Variants in DNAH14 observed in about 807,000 individuals in gnomAD.
The protein encoded by DNAH14 is axonemal beta dynein heavy chain 14.
A neutral mutation model predicts 520.9 loss-of-function variants in DNAH14; 478 were observed. The observed-to-expected ratio is 0.92, with a 90% confidence interval of 0.85 to 0.99. The LOEUF (loss-of-function observed/expected upper bound fraction) is 0.99, where lower values mean the gene tolerates loss of function less well. Among genes scored for constraint, DNAH14 ranks in the 50% least tolerant of loss-of-function variants. The probability of loss-of-function intolerance (pLI) is 0.00; values close to 1 mark genes in which losing one functional copy is unlikely to be tolerated. For missense variants in DNAH14, 4,831 were observed against 5,234.5 expected, an observed-to-expected ratio of 0.92 and a Z score of 2.38; for synonymous variants, 1,581 against 1,757.2, an observed-to-expected ratio of 0.90 and a Z score of 2.51.
chr1:225,182,274 C>T (rs1023109465), intron 36 of DNAH14, among the ~76,000 whole-genome samples: 2 of 151,994 alleles, frequency 1.3e-5, no homozygotes, highest in Admixed American at 6.6e-5. Flanking sequence ...ATAGAAGTAG[C>T]AAACCAGTAA....
At position 225,397,011 on chromosome 1, in the gene DNAH14, CTT is replaced by C. The variant is rs34693547; in HGVS notation, c.13492-1496_13492-1495del. ...ATACAAAGCAATTCCCAGTAAAATT[CTT>C]TTTTTTTTTTTTGAGATGGAGTCTT... On this transcript the variant is annotated intron_variant, in intron 84 of 85. Transcript: ENST00000682510. The C allele has an allele frequency of 2.5e-3, 352 of 143,496 alleles. 2 individuals are homozygous for C. The highest frequency in any genetic ancestry group is 0.021 in the East Asian group (104 of 4,922). 8.9% of individuals were successfully genotyped at this position (143,496 alleles called of 1,614,324 possible). A position where few individuals can be genotyped will look rare whatever the true frequency, so the allele number is the denominator to read the frequency against.
At chr1:225,189,169 T>C (rs529388871) in intron 37 of DNAH14, among the ~76,000 whole-genome samples, 10 of 151,976 alleles carry the variant, frequency 6.6e-5, no homozygotes, top group African/African-American at 2.4e-4. Context: ...TTTTCTTATG[T>C]TGAACTACCC....
chr1:225,070,398 A>C (rs529870107), intron 17 of DNAH14, among the ~76,000 whole-genome samples: 9 of 152,166 alleles, frequency 5.9e-5, no homozygotes, highest in Non-Finnish European at 1.2e-4. Flanking sequence ...AGATTCTGGT[A>C]CATTGTATAT....
chr1:225,090,902 T>C (rs1322764406), intron 21 of DNAH14, among the ~76,000 whole-genome samples: 2 of 152,128 alleles, frequency 1.3e-5, no homozygotes, highest in Admixed American at 6.5e-5. Context: ...AAATTCGTGC[T>C]CCTATAAAGA....
chr1:224,933,975 A>C (rs74774586), intron 1 of DNAH14, among the ~76,000 whole-genome samples: 6,336 of 152,050 alleles, frequency 0.042, 215 homozygotes, highest in Non-Finnish European at 0.061. Context: ...TAATACACAC[A>C]CGCAGACTCA....
chr1:225,240,566 T>C lies in DNAH14; in HGVS notation c.6519-27T>C, dbSNP rs936895247. On this transcript the variant is annotated intron_variant, in intron 42 of 85. Coordinates refer to ENST00000682510, the MANE Select transcript of DNAH14 (RefSeq NM_001367479.1). The stretch of plus-strand genomic sequence containing the variant: ...AACTGCTTTCTAAAAATGTTAACCT[T>C]CATCCTTCCATACCTGTCTACCCCA... The C allele has an allele frequency of 2.1e-5, 28 of 1,348,968 alleles. 1 individual carries two copies. Among genetic ancestry groups the C allele is most frequent in the Non-Finnish European group, 2.9e-5 (28 of 976,080 alleles). The allele number at this position is 1,348,968 out of a possible 1,614,324, so 83.6% of individuals were successfully genotyped here.
chr1:225,165,570 T>TTTGGTGGG (rs1553489104), intron 35 of DNAH14, among the ~76,000 whole-genome samples: 2 of 150,394 alleles, frequency 1.3e-5, no homozygotes, highest in Non-Finnish European at 3.0e-5. Context: ...TACTTGTTTG[T>TTTGGTGGG]TTGGTTGGTT....
rs570207994 is a variant in DNAH14 at position 224,934,936 on chromosome 1, A to C, written c.-34+5101A>C. Among the ~76,000 whole-genome samples the C allele has an allele frequency of 7.9e-5, 12 of 151,998 alleles. No homozygotes were observed. In the East Asian group the frequency reaches 2.3e-3, roughly 29 times the overall value. On this transcript the variant is annotated intron_variant, in intron 1 of 85. Coordinates refer to ENST00000682510, the MANE Select transcript of DNAH14 (RefSeq NM_001367479.1). ...ATTATCAGCTAAAATGAAGTGAAGG[A>C]GAAATGAAGTCATTCCTAGACAAAT...
chr1:224,947,062 C>G (rs1037105852), intron 1 of DNAH14, among the ~76,000 whole-genome samples: 1 of 151,924 alleles, frequency 6.6e-6, no homozygotes, highest in Non-Finnish European at 1.5e-5. Flanking sequence ...GGATTACAGG[C>G]ATGCACCACC....
chr1:225,270,951 G>A (rs892363031), intron 50 of DNAH14, 85 bp downstream of exon 50: 2 of 1,347,026 alleles, frequency 1.5e-6, no homozygotes, highest in African/African-American at 2.9e-5. Flanking sequence ...CACTAATATT[G>A]AAAGAAAATT....
chr1:225,053,522 A>T (rs1197944118), intron 17 of DNAH14, among the ~76,000 whole-genome samples: 1 of 152,152 alleles, frequency 6.6e-6, no homozygotes, highest in African/African-American at 2.4e-5. Context: ...TGTGAAGAAT[A>T]GATTGAAGTC....
Position 224,954,977 on chromosome 1 carries a change from GA to G in DNAH14, c.102del (p.Lys34AsnfsTer5). ...TKPRLLRYEE[K>X]KYEDVKPLET... ...CATTTAGACTTTTAAGATATGAAGA[GA>G]AAAAATATGAAGATGTGAAACCATT... On this transcript the variant is annotated frameshift_variant, in exon 3 of 86. Coordinates refer to ENST00000682510, the MANE Select transcript of DNAH14 (RefSeq NM_001367479.1). LOFTEE classifies it high-confidence loss of function. The G allele has an allele frequency of 6.3e-7, 1 of 1,595,130 alleles. No homozygotes were observed. Among genetic ancestry groups the G allele is most frequent in the Non-Finnish European group, 8.5e-7 (1 of 1,169,608 alleles).
At chr1:225,332,189 C>G (rs1159178215) in intron 65 of DNAH14, among the ~76,000 whole-genome samples, 1 of 152,102 alleles carries the variant, frequency 6.6e-6, no homozygotes, top group African/African-American at 2.4e-5. Flanking sequence ...CCTCAGCTAT[C>G]TCAAGGGATG....
chr1:225,181,829 G>A (rs1264035643), intron 36 of DNAH14, among the ~76,000 whole-genome samples: 1 of 152,068 alleles, frequency 6.6e-6, no homozygotes, highest in Non-Finnish European at 1.5e-5. Flanking sequence ...TAGGTATGTG[G>A]CTTTATTTCT....
At chr1:225,225,957 C>A (rs1034370841) in intron 41 of DNAH14, among the ~76,000 whole-genome samples, 2 of 152,204 alleles carry the variant, frequency 1.3e-5, no homozygotes, top group Non-Finnish European at 2.9e-5. Context: ...CCAGACATTA[C>A]CTGTGGGATG....
chr1:225,312,658 G>T (rs2094392110), intron 60 of DNAH14, among the ~76,000 whole-genome samples: 1 of 152,040 alleles, frequency 6.6e-6, no homozygotes, highest in Admixed American at 6.6e-5. Flanking sequence ...ACATGAAAGG[G>T]TGTTGAATTT....
intron 54 of DNAH14, among the ~76,000 whole-genome samples, chr1:225,279,004 T>A (rs994513683): frequency 1.3e-5 from 2 of 152,168 alleles, no homozygotes; most frequent in African/African-American, 4.8e-5. Context: ...GTTTGTTGTT[T>A]TTGTTTTTTT....
intron 28 of DNAH14, 29 bp from the exon 29 acceptor site, chr1:225,144,354 TAATTTAACCAAATA>T (rs2079728744): frequency 7.1e-7 from 1 of 1,401,782 alleles, no homozygotes; most frequent in Non-Finnish European, 9.8e-7. Flanking sequence ...TACATAAAAA[TAATTTAACCAAATA>T]ATATGAACAT....
intron 41 of DNAH14, among the ~76,000 whole-genome samples, chr1:225,229,122 G>T (rs1268002157): frequency 6.6e-6 from 1 of 152,094 alleles, no homozygotes; most frequent in Non-Finnish European, 1.5e-5. Context: ...AGTGTAGCCG[G>T]CTTATCAGGG....
Sources: gnomAD v4.1 joint callset for allele counts (sites outside exome capture counted in the v4.1 genomes callset) on GRCh38, gnomAD v4.1.1 for gene constraint, MANE v1.5 for transcripts, NCBI Gene and HGNC (gene_info 2026-07-23, HGNC 2026-07-21) for gene names.